ATP6V1E1: variants seen among roughly 807,000 people sequenced by gnomAD.
ATP6V1E1 encodes the protein ATPase H+ transporting V1 subunit E1, also known as V-type proton ATPase subunit E 1.
ATP6V1E1 carries 21 observed loss-of-function variants against 35.2 expected under a neutral mutation model. The ratio of observed to expected loss-of-function variants is 0.60; its 90% CI spans 0.42 to 0.86. The LOEUF (loss-of-function observed/expected upper bound fraction) is 0.86, where lower values mean the gene tolerates loss of function less well. ATP6V1E1 is among the 40% of genes least tolerant of loss of function. The probability of loss-of-function intolerance (pLI) is 0.00; values close to 1 mark genes in which losing one functional copy is unlikely to be tolerated. For missense variants in ATP6V1E1, 183 were observed against 272.6 expected, an observed-to-expected ratio of 0.67 and a Z score of 2.32; for synonymous variants, 83 against 87.8, an observed-to-expected ratio of 0.95 and a Z score of 0.30.
At chr22:17,593,203 C>T (rs2057713748) in intron 8 of ATP6V1E1, among the ~76,000 whole-genome samples, 1 of 152,032 alleles carries the variant, frequency 6.6e-6, no homozygotes, top group Non-Finnish European at 1.5e-5. Flanking sequence ...GCAAGTAACA[C>T]ATTCCTTGGT....
chr22:17,628,700 G>A lies in ATP6V1E1; in HGVS notation c.-65C>T. 1 of 1,606,724 alleles carries A rather than the reference G, an allele frequency of 6.2e-7. No homozygotes were observed. Among genetic ancestry groups the A allele is most frequent in the Non-Finnish European group, 8.5e-7 (1 of 1,173,582 alleles). Reference sequence around the variant, plus strand: ...TTTAGGTTTGAAAGGTGAGGTGAGAGAAATCGGCAAAGGGAACCCCTGCGC... The same window carrying A: ...TTTAGGTTTGAAAGGTGAGGTGAGAAAAATCGGCAAAGGGAACCCCTGCGC... On this transcript the variant is annotated 5_prime_UTR_variant, in exon 1 of 9. Transcript: ENST00000253413.
Position 17,600,035 on chromosome 22 carries a change from G to C in ATP6V1E1, c.427C>G (p.Leu143Val). The part of the protein sequence containing the change: ...IVRCRKQDFP[L>V]VKAAVQKAIP... ...TATCCTAAGTTCTTTACCTTTACCAGAGGGAAATCTTGTTTCCTGCAACGA... is the reference window on the plus strand; with the variant it reads ...TATCCTAAGTTCTTTACCTTTACCACAGGGAAATCTTGTTTCCTGCAACGA... Residue 143 changes from leucine to valine, a missense_variant, in exon 6 of 9, where the codon CTG (leucine) becomes GTG (valine). Coordinates refer to ENST00000253413, the MANE Select transcript of ATP6V1E1 (RefSeq NM_001696.4). 1 of 1,613,506 alleles carries C rather than the reference G, an allele frequency of 6.2e-7. No individual in the cohort carries two copies.
chr22:17,616,582 G>T (rs562121989), intron 2 of ATP6V1E1, among the ~76,000 whole-genome samples: 1 of 148,624 alleles, frequency 6.7e-6, no homozygotes, highest in South Asian at 2.1e-4. Flanking sequence ...GGGAGGCTGA[G>T]GCAGGAGAAT....
intron 1 of ATP6V1E1, among the ~76,000 whole-genome samples, chr22:17,625,649 A>C (rs941835879): frequency 6.6e-6 from 1 of 152,208 alleles, no homozygotes; most frequent in Admixed American, 6.5e-5. Context: ...TTCCTAGCAC[A>C]GTACTTCAGA....
chr22:17,616,455 G>T (rs1289622505), intron 2 of ATP6V1E1, among the ~76,000 whole-genome samples: 1 of 152,148 alleles, frequency 6.6e-6, no homozygotes, highest in Non-Finnish European at 1.5e-5. Context: ...AAGGCAGGTG[G>T]ACTGCCTGAG....
At chr22:17,602,437 C>T (rs1382978931) in intron 4 of ATP6V1E1, among the ~76,000 whole-genome samples, 2 of 151,534 alleles carry the variant, frequency 1.3e-5, no homozygotes, top group East Asian at 1.9e-4. Context: ...TGCAGTGGCA[C>T]GATCTCAGCT....
intron 4 of ATP6V1E1, among the ~76,000 whole-genome samples, chr22:17,604,954 G>A (rs374823395): frequency 3.9e-5 from 6 of 152,006 alleles, no homozygotes; most frequent in Non-Finnish European, 1.5e-5. Flanking sequence ...GGTTGCTCAC[G>A]CCTGTAATCT....
chr22:17,612,792 A>G lies in ATP6V1E1; in HGVS notation c.276+20T>C. Reference sequence around the variant, plus strand: ...ATAAACATGTAATAATTTTATAACTAATAGGGGCTAATTACTCACTGTGAT... The same window carrying G: ...ATAAACATGTAATAATTTTATAACTGATAGGGGCTAATTACTCACTGTGAT... On this transcript the variant is annotated intron_variant, in intron 4 of 8. Coordinates refer to ENST00000253413, the MANE Select transcript of ATP6V1E1 (RefSeq NM_001696.4). 1 of 1,540,976 alleles carries G rather than the reference A, an allele frequency of 6.5e-7. No homozygotes were observed. The highest frequency in any genetic ancestry group is 2.3e-5 in the East Asian group (1 of 43,236).
intron 6 of ATP6V1E1, among the ~76,000 whole-genome samples, chr22:17,599,100 AT>A (rs1776416208): frequency 6.6e-6 from 1 of 152,084 alleles, no homozygotes; most frequent in African/African-American, 2.4e-5. Flanking sequence ...TATGAGGTGA[AT>A]GGGGGAGAAG....
intron 4 of ATP6V1E1, among the ~76,000 whole-genome samples, chr22:17,603,513 CAAGAGAAA>C (rs2057771659): frequency 6.6e-6 from 1 of 152,024 alleles, no homozygotes; most frequent in Admixed American, 6.6e-5. Flanking sequence ...TTTTAAGGCT[CAAGAGAAA>C]GCACAGCCTC....
intron 7 of ATP6V1E1, chr22:17,597,967 G>T: frequency 2.0e-6 from 1 of 500,296 alleles, no homozygotes; most frequent in Non-Finnish European, 3.6e-6. Context: ...GTGAGCCACC[G>T]CACCTGGCCA....
intron 4 of ATP6V1E1, among the ~76,000 whole-genome samples, chr22:17,608,790 T>TA (rs1265323970): frequency 5.3e-5 from 8 of 152,176 alleles, no homozygotes; most frequent in African/African-American, 1.9e-4. Context: ...AAGTTGAAAT[T>TA]AAAACACATT....
At chr22:17,598,339 T>A (rs772910469) in intron 6 of ATP6V1E1, 51 bp from the exon 7 acceptor site, 1 of 1,441,732 alleles carries the variant, frequency 6.9e-7, no homozygotes, top group African/African-American at 1.4e-5. Flanking sequence ...ATGAAGCAAG[T>A]ATCCAAAAAC....
chr22:17,614,682 A>C (rs1456650408), intron 2 of ATP6V1E1, among the ~76,000 whole-genome samples: 1 of 150,212 alleles, frequency 6.7e-6, no homozygotes, highest in Non-Finnish European at 1.5e-5. Context: ...AAAAAAAAAA[A>C]AGTTGCCTGG....
intron 2 of ATP6V1E1, chr22:17,618,962 T>G: frequency 2.2e-6 from 1 of 453,128 alleles, no homozygotes; most frequent in Non-Finnish European, 4.4e-6. Flanking sequence ...ATCAGGCCAC[T>G]GCACTGCAGT....
chr22:17,621,423 G>A (rs987959002), intron 1 of ATP6V1E1, among the ~76,000 whole-genome samples: 4 of 152,064 alleles, frequency 2.6e-5, no homozygotes, highest in South Asian at 4.2e-4. Context: ...CGATCCCCCC[G>A]TAGCTGGGAC....
chr22:17,599,030 G>A (rs1452316522), intron 6 of ATP6V1E1, among the ~76,000 whole-genome samples: 1 of 152,078 alleles, frequency 6.6e-6, no homozygotes, highest in Non-Finnish European at 1.5e-5. Context: ...GACCTTGAAG[G>A]CATTATGCTA....
chr22:17,595,526 TCTGATAAAAGATGCCA>T (rs777324396), intron 7 of ATP6V1E1, among the ~76,000 whole-genome samples: 32 of 152,154 alleles, frequency 2.1e-4, no homozygotes, highest in Non-Finnish European at 4.6e-4. Context: ...TGCATGTGTG[TCTGATAAAAGATGCCA>T]CTGCTGGCCG....
intron 4 of ATP6V1E1, among the ~76,000 whole-genome samples, chr22:17,608,026 A>G (rs1303435826): frequency 1.3e-5 from 2 of 152,038 alleles, no homozygotes; most frequent in Non-Finnish European, 2.9e-5. Flanking sequence ...TTTCACTCAC[A>G]CTGCTCTCTC....
Sources: allele counts gnomAD v4.1 joint callset (sites outside exome capture counted in the v4.1 genomes callset), GRCh38; gene constraint gnomAD v4.1.1; transcripts MANE v1.5; gene names NCBI Gene and HGNC (gene_info 2026-07-23, HGNC 2026-07-21).